The following CBLB variants were observed in gnomAD, a reference collection of about 807,000 sequenced individuals.
CBLB encodes Cbl proto-oncogene B, also known as E3 ubiquitin-protein ligase CBL-B.
CBLB carries 31 observed loss-of-function variants against 104.9 expected under a neutral mutation model. The ratio of observed to expected loss-of-function variants is 0.30; its 90% confidence interval spans 0.22 to 0.40. The LOEUF (loss-of-function observed/expected upper bound fraction) is 0.40. Among genes scored for constraint, CBLB ranks in the 10% least tolerant of loss-of-function variants. The pLI, the probability that CBLB is intolerant of heterozygous loss-of-function variation, is 1.00. For missense variants in CBLB, 1,062 were observed against 1,214.6 expected (o/e 0.87, Z 1.87); for synonymous variants, 440 against 422.6 (o/e 1.04, Z -0.51).
At chr3:105,776,850 A>T (rs1560192302) in intron 3 of CBLB, among the ~76,000 whole-genome samples, 2 of 152,194 alleles carry the variant, frequency 1.3e-5, no homozygotes, top group African/African-American at 4.8e-5. Flanking sequence ...ACACTTAAAA[A>T]ATTAATAATC....
chr3:105,769,510 A>G (rs577847055), intron 4 of CBLB, among the ~76,000 whole-genome samples: 1 of 152,320 alleles, frequency 6.6e-6, no homozygotes, highest in East Asian at 1.9e-4. Flanking sequence ...GGTACCTGGC[A>G]GCACAGAGTA....
intron 18 of CBLB, among the ~76,000 whole-genome samples, chr3:105,663,192 A>T (rs9835252): frequency 1.6e-4 from 23 of 144,722 alleles, no homozygotes; most frequent in Non-Finnish European, 2.6e-4. Flanking sequence ...TATTTGAGAC[A>T]GTCATTACAA....
intron 17 of CBLB, chr3:105,673,994 A>G (rs1255323783): frequency 6.6e-6 from 1 of 152,186 alleles, no homozygotes; most frequent in African/African-American, 2.4e-5. Context: ...AAACTTGAAC[A>G]TGCATCAGAA....
intron 5 of CBLB, among the ~76,000 whole-genome samples, chr3:105,747,619 A>AT (rs1289581369): frequency 6.6e-6 from 1 of 152,252 alleles, no homozygotes; most frequent in Non-Finnish European, 1.5e-5. Context: ...TTCCTAATGC[A>AT]TGACTAAAAA....
intron 9 of CBLB, among the ~76,000 whole-genome samples, chr3:105,729,455 C>G (rs939533004): frequency 2.0e-5 from 3 of 152,038 alleles, no homozygotes; most frequent in Non-Finnish European, 4.4e-5. Context: ...AGCAAAATAA[C>G]AAATTCTTCC....
At chr3:105,686,217 C>T (rs568540232) in intron 13 of CBLB, among the ~76,000 whole-genome samples, 2 of 152,066 alleles carry the variant, frequency 1.3e-5, no homozygotes, top group African/African-American at 4.8e-5. Flanking sequence ...ATAAAACAAA[C>T]CCAAACAAAT....
At position 105,776,380 on chromosome 3, in the gene CBLB, A is replaced by G. The variant is rs1448829467; in HGVS notation, c.566+16T>C. 2 of 1,611,450 alleles carry G rather than the reference A, an allele frequency of 1.2e-6. No individual in the cohort carries two copies. The highest frequency in any genetic ancestry group is 1.7e-6 in the Non-Finnish European group (2 of 1,178,332). ...TGAAAGATAGATCCACAGCTATAAA[A>G]ATGATTTTTACTTACTTGTCTCCAA... On this transcript the variant is annotated intron_variant, in intron 4 of 18. Coordinates refer to ENST00000394030, the MANE Select transcript of CBLB (RefSeq NM_170662.5).
At chr3:105,747,815 T>A (rs1155058) in intron 5 of CBLB, among the ~76,000 whole-genome samples, 1 of 152,142 alleles carries the variant, frequency 6.6e-6, no homozygotes, top group African/African-American at 2.4e-5. Flanking sequence ...TGGAAGAGTG[T>A]TTGAAAAAAA....
At chr3:105,731,769 T>C (rs936477952) in intron 9 of CBLB, among the ~76,000 whole-genome samples, 2 of 152,202 alleles carry the variant, frequency 1.3e-5, no homozygotes, top group African/African-American at 2.4e-5. Flanking sequence ...AACTATTTTG[T>C]ATGATGCTTT....
intron 5 of CBLB, among the ~76,000 whole-genome samples, chr3:105,750,835 G>A (rs2076532641): frequency 6.6e-6 from 1 of 152,112 alleles, no homozygotes; most frequent in Non-Finnish European, 1.5e-5. Context: ...GAAAATGTGG[G>A]AAAAGACCTA....
chr3:105,713,245 G>A (rs1292716547), intron 10 of CBLB, among the ~76,000 whole-genome samples: 1 of 152,064 alleles, frequency 6.6e-6, no homozygotes, highest in African/African-American at 2.4e-5. Context: ...GTACTTGGGG[G>A]AAGGGGAGTG....
rs183220179 is a variant in CBLB, at chr3:105,733,449, C to T, written c.1203+560G>A. ...AAATCAATTTATATTTATTGAATGCCTGCGGCAGATGGGAAGGCAATTTGC... is the reference window on the plus strand; with the variant it reads ...AAATCAATTTATATTTATTGAATGCTTGCGGCAGATGGGAAGGCAATTTGC... On this transcript the variant is annotated intron_variant, in intron 9 of 18. Transcript: ENST00000394030. 4.5e-4 allele frequency among the ~76,000 whole-genome samples: 69 copies of T among 152,126 alleles called. 1 individual carries two copies. The highest frequency in any genetic ancestry group is 1.6e-3 in the African/African-American group (68 of 41,504).
intron 3 of CBLB, among the ~76,000 whole-genome samples, chr3:105,778,911 C>T (rs2079807353): frequency 6.6e-6 from 1 of 152,094 alleles, no homozygotes; most frequent in South Asian, 2.1e-4. Context: ...AGACTTGTGG[C>T]TCGTACAAAC....
intron 9 of CBLB, among the ~76,000 whole-genome samples, chr3:105,720,808 T>A (rs905456000): frequency 6.6e-6 from 1 of 152,236 alleles, no homozygotes; most frequent in African/African-American, 2.4e-5. Context: ...AAAGCCATCA[T>A]CTGTCCTGAA....
At chr3:105,695,716 G>C (rs2068279174) in intron 12 of CBLB, among the ~76,000 whole-genome samples, 3 of 151,774 alleles carry the variant, frequency 2.0e-5, no homozygotes, top group Admixed American at 1.3e-4. Flanking sequence ...AAATGCTGTA[G>C]TGTCTTTTCT....
At chr3:105,724,723 A>G (rs1007408830) in intron 9 of CBLB, among the ~76,000 whole-genome samples, 3 of 152,198 alleles carry the variant, frequency 2.0e-5, no homozygotes, top group Non-Finnish European at 2.9e-5. Flanking sequence ...CAATGTGCAT[A>G]GATTAATCAT....
At chr3:105,720,463 A>C (rs1026698114) in intron 9 of CBLB, among the ~76,000 whole-genome samples, 3 of 152,168 alleles carry the variant, frequency 2.0e-5, no homozygotes, top group Non-Finnish European at 4.4e-5. Flanking sequence ...TTCCGAAGGA[A>C]AAATAAAGTT....
chr3:105,838,075 CT>C (rs2088853195), intron 3 of CBLB, among the ~76,000 whole-genome samples: 2 of 92,028 alleles, frequency 2.2e-5, no homozygotes, highest in Non-Finnish European at 2.1e-5. Context: ...TTTTTTTTTC[CT>C]TTTTTTCTTT....
At chr3:105,778,967 C>T (rs1246185137) in intron 3 of CBLB, among the ~76,000 whole-genome samples, 1 of 152,040 alleles carries the variant, frequency 6.6e-6, no homozygotes. Context: ...TATAAAGTCA[C>T]CTTAGGAAAT....
Sources: gnomAD v4.1 joint callset for allele counts (sites outside exome capture counted in the v4.1 genomes callset) on GRCh38, gnomAD v4.1.1 for gene constraint, MANE v1.5 for transcripts, NCBI Gene and HGNC (gene_info 2026-07-23, HGNC 2026-07-21) for gene names.